Variants in ULK4 observed in about 807,000 individuals in gnomAD.
ULK4 encodes inactive serine/threonine-protein kinase ULK4.
ULK4 carries 133 observed loss-of-function variants against 160.6 expected under a neutral mutation model. That is an observed-to-expected ratio of 0.83 (90% CI 0.72 to 0.96). The LOEUF (loss-of-function observed/expected upper bound fraction) is 0.96. Ranked by LOEUF, ULK4 falls within the 40% of genes least tolerant of loss-of-function variation. The probability of loss-of-function intolerance (pLI) is 0.00; values close to 1 mark genes in which losing one functional copy is unlikely to be tolerated. For synonymous variants in ULK4, 534 were observed against 539.8 expected, an observed-to-expected ratio of 0.99 and a Z score of 0.15; for missense variants, 1,580 against 1,499.5, an observed-to-expected ratio of 1.05 and a Z score of -0.89.
rs546911655 is a variant in ULK4 at position 41,660,867 on chromosome 3, A to G, written c.3071+2740T>C. ...CATTTAATGGGGAGAGGGGTGGTAAATAAGTAATTTCAGTCAACAAAATGA... is the reference window on the plus strand; with the variant it reads ...CATTTAATGGGGAGAGGGGTGGTAAGTAAGTAATTTCAGTCAACAAAATGA... On this transcript the variant is annotated intron_variant, in intron 30 of 36. Transcript: ENST00000301831. 9.2e-5 allele frequency among the ~76,000 whole-genome samples: 14 copies of G among 152,326 alleles called. 1 individual carries two copies. In the South Asian group the frequency reaches 2.9e-3, roughly 32 times the overall value.
intron 32 of ULK4, among the ~76,000 whole-genome samples, chr3:41,558,281 T>G (rs972117881): frequency 1.3e-5 from 2 of 152,134 alleles, no homozygotes; most frequent in African/African-American, 2.4e-5. Flanking sequence ...TGTTGCTGTG[T>G]AAAAGAATAA....
At chr3:41,293,475 T>G (rs1441462781) in intron 35 of ULK4, among the ~76,000 whole-genome samples, 3 of 152,088 alleles carry the variant, frequency 2.0e-5, no homozygotes, top group Non-Finnish European at 4.4e-5. Context: ...AACCTCACTC[T>G]CAAAGACTCA....
intron 33 of ULK4, among the ~76,000 whole-genome samples, chr3:41,459,989 G>T (rs776580138): frequency 6.6e-6 from 1 of 152,120 alleles, no homozygotes; most frequent in Non-Finnish European, 1.5e-5. Context: ...AATCTCATCC[G>T]CATTCAACAA....
chr3:41,954,359 G>GAAAAAAA (rs10645314), intron 2 of ULK4, among the ~76,000 whole-genome samples: 51 of 148,066 alleles, frequency 3.4e-4, no homozygotes, highest in African/African-American at 1.2e-3. Flanking sequence ...CTAAGGGAAA[G>GAAAAAAA]AAAAAAAAAG....
chr3:41,744,134 A>G (rs2038338176), intron 22 of ULK4, among the ~76,000 whole-genome samples: 1 of 151,930 alleles, frequency 6.6e-6, no homozygotes, highest in Non-Finnish European at 1.5e-5. Context: ...AAATGTTCAG[A>G]TAACCCAAAG....
chr3:41,811,136 C>G (rs1286000651), intron 19 of ULK4, among the ~76,000 whole-genome samples: 1 of 152,084 alleles, frequency 6.6e-6, no homozygotes, highest in African/African-American at 2.4e-5. Context: ...ATCCTCCCAC[C>G]TAGCCCTCCC....
chr3:41,905,668 GAATA>G (rs543555998), intron 12 of ULK4, among the ~76,000 whole-genome samples: 160 of 152,116 alleles, frequency 1.1e-3, no homozygotes, highest in African/African-American at 3.5e-3. Flanking sequence ...TTAAATTTTT[GAATA>G]AATATTTCTC....
At chr3:41,287,981 T>C (rs1417970699) in intron 35 of ULK4, among the ~76,000 whole-genome samples, 1 of 152,130 alleles carries the variant, frequency 6.6e-6, no homozygotes, top group Non-Finnish European at 1.5e-5. Context: ...CCTGGGCAAA[T>C]ATAATCTGAT....
chr3:41,668,560 G>A (rs1410016679), intron 29 of ULK4, among the ~76,000 whole-genome samples: 2 of 152,098 alleles, frequency 1.3e-5, no homozygotes, highest in Admixed American at 6.5e-5. Context: ...GTGCCACCTA[G>A]GTTTGTATAA....
Position 41,908,390 on chromosome 3 carries a change from C to T in ULK4, c.1086-449G>A, listed in dbSNP as rs566998439. On this transcript the variant is annotated intron_variant, in intron 11 of 36. Transcript: ENST00000301831. ...ATGATTCTTCCTACACATATAAATG[C>T]CTGCCATACCGTATGGGCCACTGTA... 3.8e-4 allele frequency among the ~76,000 whole-genome samples: 58 copies of T among 152,262 alleles called. 1 individual carries two copies. The South Asian group carries it at 0.011, about 30-fold the overall frequency.
intron 31 of ULK4, among the ~76,000 whole-genome samples, chr3:41,588,129 A>T (rs1169982576): frequency 6.6e-6 from 1 of 152,184 alleles, no homozygotes; most frequent in Non-Finnish European, 1.5e-5. Context: ...CCACAATAGA[A>T]CTGCAAACAA....
At chr3:41,667,774 A>G (rs916831891) in intron 29 of ULK4, among the ~76,000 whole-genome samples, 5 of 152,232 alleles carry the variant, frequency 3.3e-5, no homozygotes, top group East Asian at 1.9e-4. Flanking sequence ...CCAAAGCAGC[A>G]GAGATCCAGG....
intron 17 of ULK4, among the ~76,000 whole-genome samples, chr3:41,854,582 A>G (rs1168356187): frequency 1.3e-5 from 2 of 152,138 alleles, no homozygotes; most frequent in Non-Finnish European, 1.5e-5. Flanking sequence ...TTGATGCTTG[A>G]TATTTAATAA....
intron 35 of ULK4, among the ~76,000 whole-genome samples, chr3:41,266,479 A>G (rs566015037): frequency 1.1e-4 from 17 of 152,314 alleles, no homozygotes; most frequent in African/African-American, 3.6e-4. Context: ...CACTGAGACC[A>G]AGAGAGACTC....
rs147364466 is a variant in ULK4 at position 41,267,227 on chromosome 3, T to C, written c.3679-17653A>G. 5.7e-3 allele frequency among the ~76,000 whole-genome samples: 865 copies of C among 152,216 alleles called. 9 individuals carry two copies. The highest frequency in any genetic ancestry group is 0.019 in the African/African-American group (809 of 41,524). ...CCCTCTCTGTGTCCATGTATTCTCA[T>C]TGTTCAACTCCCACTTATGAGTGAG... is the stretch of plus-strand genomic sequence containing the variant. On this transcript the variant is annotated intron_variant, in intron 35 of 36. Transcript: ENST00000301831.
At chr3:41,801,335 A>C (rs1214144165) in intron 19 of ULK4, among the ~76,000 whole-genome samples, 2 of 152,166 alleles carry the variant, frequency 1.3e-5, no homozygotes, top group Non-Finnish European at 2.9e-5. Context: ...AAAAGAAAAA[A>C]GAAACAGAGC....
At chr3:41,327,098 G>A (rs943477782) in intron 35 of ULK4, among the ~76,000 whole-genome samples, 1 of 151,832 alleles carries the variant, frequency 6.6e-6, no homozygotes, top group Non-Finnish European at 1.5e-5. Flanking sequence ...TTTTGCTTTG[G>A]GGCTATTTAT....
chr3:41,491,999 G>T (rs2084790200), intron 32 of ULK4, among the ~76,000 whole-genome samples: 1 of 150,462 alleles, frequency 6.6e-6, no homozygotes, highest in African/African-American at 2.4e-5. Context: ...TTTTGTCTTT[G>T]CAATAGTTTA....
intron 34 of ULK4, among the ~76,000 whole-genome samples, chr3:41,418,429 T>A (rs1372461098): frequency 6.6e-6 from 1 of 151,328 alleles, no homozygotes; most frequent in East Asian, 2.0e-4. Flanking sequence ...TTCCAAAAAA[T>A]TTTTAAAAGT....
Sources: gnomAD v4.1 joint callset for allele counts (sites outside exome capture counted in the v4.1 genomes callset) on GRCh38, gnomAD v4.1.1 for gene constraint, MANE v1.5 for transcripts, NCBI Gene and HGNC (gene_info 2026-07-23, HGNC 2026-07-21) for gene names.